Variants in DHRSX observed in about 807,000 individuals in gnomAD.
The protein encoded by DHRSX is dehydrogenase/reductase X-linked.
In DHRSX, 31 loss-of-function variants were observed where a neutral mutation model predicts 34.0. The observed-to-expected ratio is 0.91, with a 90% CI of 0.69 to 1.23. The LOEUF is 1.23. DHRSX is among the 50% of genes most tolerant of loss of function. The probability of loss-of-function intolerance (pLI) is 0.00; values close to 1 mark genes in which losing one functional copy is unlikely to be tolerated. For missense variants in DHRSX, 414 were observed against 428.1 expected, an observed-to-expected ratio of 0.97 and a Z score of 0.29; for synonymous variants, 201 against 183.8, an observed-to-expected ratio of 1.09 and a Z score of -0.76.
chrX:2,490,415 G>A, intron 1 of DHRSX: 1 of 1,613,966 alleles, frequency 6.2e-7, no homozygotes, highest in Non-Finnish European at 8.5e-7. Context: ...GGGCTGCTGG[G>A]ACGACTCGGG....
intron 4 of DHRSX, among the ~76,000 whole-genome samples, chrX:2,274,796 CTGA>C (rs1483564102): frequency 4.6e-5 from 7 of 152,116 alleles, no homozygotes; most frequent in African/African-American, 1.7e-4. Context: ...ACCTGAAACG[CTGA>C]TATTTACGGA....
chrX:2,470,556 AAATT>A (rs1354730752), intron 1 of DHRSX, among the ~76,000 whole-genome samples: 1 of 152,124 alleles, frequency 6.6e-6, no homozygotes, highest in Non-Finnish European at 1.5e-5. Context: ...AAAAATTTAA[AAATT>A]AACCAGGTGT....
chrX:2,252,070 T>C (rs1046270240), intron 5 of DHRSX, among the ~76,000 whole-genome samples: 64 of 151,992 alleles, frequency 4.2e-4, no homozygotes, highest in Non-Finnish European at 8.4e-4. Flanking sequence ...AAACCCCGTC[T>C]CTACTAAAAA....
intron 6 of DHRSX, among the ~76,000 whole-genome samples, chrX:2,222,611 C>T (rs1193411377): frequency 6.6e-6 from 1 of 152,194 alleles, no homozygotes; most frequent in Non-Finnish European, 1.5e-5. Flanking sequence ...ACTGCAGTGG[C>T]TCAGGCCTGT....
At chrX:2,437,993 T>C (rs557013568) in intron 1 of DHRSX, among the ~76,000 whole-genome samples, 1 of 128,042 alleles carries the variant, frequency 7.8e-6, no homozygotes, top group South Asian at 2.9e-4. Context: ...CTGTGTGCTA[T>C]TGGATAACCA....
chrX:2,242,923 A>G, intron 6 of DHRSX, 100 bp downstream of exon 6: 1 of 1,188,044 alleles, frequency 8.4e-7, no homozygotes, highest in Non-Finnish European at 1.2e-6. Context: ...TCTTTCTTGC[A>G]CGAGATCCAA....
intron 1 of DHRSX, among the ~76,000 whole-genome samples, chrX:2,485,085 G>A (rs986988536): frequency 1.3e-5 from 2 of 152,182 alleles, no homozygotes; most frequent in Admixed American, 6.5e-5. Context: ...CTCAGAGTTA[G>A]GGCTGTGCAG....
At chrX:2,347,120 CAT>C (rs1330081913) in intron 3 of DHRSX, among the ~76,000 whole-genome samples, 1 of 152,232 alleles carries the variant, frequency 6.6e-6, no homozygotes, top group East Asian at 1.9e-4. Flanking sequence ...TAGATAAAGA[CAT>C]ATCTGAGAAT....
At chrX:2,442,406 A>G (rs1347583577) in intron 1 of DHRSX, among the ~76,000 whole-genome samples, 2 of 151,588 alleles carry the variant, frequency 1.3e-5, no homozygotes, top group South Asian at 2.1e-4. Flanking sequence ...ATATATTATA[A>G]TATATATGAT....
intron 2 of DHRSX, 92 bp from the exon 3 acceptor site, chrX:2,408,905 A>G: frequency 8.9e-7 from 1 of 1,120,682 alleles, no homozygotes; most frequent in Non-Finnish European, 1.3e-6. Flanking sequence ...TAAGAGAAGT[A>G]TAACACAAAT....
chrX:2,480,179 G>A (rs2044747954), intron 1 of DHRSX, among the ~76,000 whole-genome samples: 1 of 151,980 alleles, frequency 6.6e-6, no homozygotes, highest in Non-Finnish European at 1.5e-5. Flanking sequence ...GGAATAGTAT[G>A]CAGCCATGAA....
chrX:2,304,979 G>A (rs73185779), intron 3 of DHRSX, among the ~76,000 whole-genome samples: 24,225 of 151,700 alleles, frequency 0.16, 2,631 homozygotes, highest in Non-Finnish European at 0.23. Context: ...TGATAGACTG[G>A]ATTAAAAAAA....
chrX:2,356,682 T>C (rs1217481796), intron 3 of DHRSX, among the ~76,000 whole-genome samples: 5 of 152,168 alleles, frequency 3.3e-5, no homozygotes, highest in African/African-American at 1.2e-4. Context: ...CTCTTCCTCC[T>C]TCTCCTCCTC....
chrX:2,346,233 A>C (rs745918466), intron 3 of DHRSX, among the ~76,000 whole-genome samples: 1 of 85,258 alleles, frequency 1.2e-5, no homozygotes, highest in Non-Finnish European at 2.7e-5. Context: ...ACACGCAGCT[A>C]CAGAGGTGCA....
chrX:2,485,940 G>A (rs1388730627), intron 1 of DHRSX, among the ~76,000 whole-genome samples: 1 of 150,666 alleles, frequency 6.6e-6, no homozygotes, highest in Non-Finnish European at 1.5e-5. Flanking sequence ...AGAAAGGAAG[G>A]ATTTGTTGGC....
intron 4 of DHRSX, among the ~76,000 whole-genome samples, chrX:2,270,979 T>A (rs745976389): frequency 3.3e-5 from 5 of 152,070 alleles, no homozygotes; most frequent in African/African-American, 9.6e-5. Context: ...AATGGACCAG[T>A]CAGCAGGATG....
intron 4 of DHRSX, among the ~76,000 whole-genome samples, chrX:2,269,548 T>C (rs2041521421): frequency 6.6e-6 from 1 of 152,192 alleles, no homozygotes; most frequent in African/African-American, 2.4e-5. Context: ...TATTTATTTA[T>C]TTTTTGAGGA....
intron 1 of DHRSX, among the ~76,000 whole-genome samples, chrX:2,426,928 C>A (rs1245982699): frequency 6.6e-6 from 1 of 151,936 alleles, no homozygotes; most frequent in Non-Finnish European, 1.5e-5. Flanking sequence ...GTAGAGCCCA[C>A]ACTCTGTGCC....
intron 4 of DHRSX, among the ~76,000 whole-genome samples, chrX:2,290,879 A>C (rs1351118658): frequency 3.9e-5 from 6 of 152,230 alleles, no homozygotes; most frequent in African/African-American, 1.4e-4. Flanking sequence ...AGTAATGGGC[A>C]TCAGTGTTAC....
Sources: gnomAD v4.1 joint callset for allele counts (sites outside exome capture counted in the v4.1 genomes callset) on GRCh38, gnomAD v4.1.1 for gene constraint, MANE v1.5 for transcripts, NCBI Gene and HGNC (gene_info 2026-07-23, HGNC 2026-07-21) for gene names.